The following MYT1L variants were observed in gnomAD, a reference collection of about 807,000 sequenced individuals.
MYT1L encodes the protein myelin transcription factor 1 like.
A neutral mutation model predicts 126.7 loss-of-function variants in MYT1L; 12 were observed. The ratio of observed to expected loss-of-function variants is 0.09; its 90% CI spans 0.06 to 0.15. The LOEUF (loss-of-function observed/expected upper bound fraction) is 0.15. Among genes scored for constraint, MYT1L ranks in the 10% least tolerant of loss-of-function variants. The pLI, the probability that MYT1L is intolerant of heterozygous loss-of-function variation, is 1.00. For missense variants in MYT1L, 979 were observed against 1,585.2 expected (o/e 0.62, Z 6.49); for synonymous variants, 541 against 604.2 (o/e 0.90, Z 1.53).
At chr2:1,989,418 A>G (rs2061307441) in intron 5 of MYT1L, among the ~76,000 whole-genome samples, 1 of 152,154 alleles carries the variant, frequency 6.6e-6, no homozygotes, top group African/African-American at 2.4e-5. Flanking sequence ...CCAGGACAGA[A>G]GCGAGAGTGC....
intron 2 of MYT1L, among the ~76,000 whole-genome samples, chr2:2,176,550 G>A (rs1037594484): frequency 4.0e-5 from 6 of 150,510 alleles, no homozygotes; most frequent in African/African-American, 1.5e-4. Flanking sequence ...CCAGGCTGGA[G>A]TGCAGTGGCA....
chr2:2,084,113 T>C (rs1317003313), intron 3 of MYT1L, among the ~76,000 whole-genome samples: 1 of 150,846 alleles, frequency 6.6e-6, no homozygotes, highest in Non-Finnish European at 1.5e-5. Context: ...TGCTGATGAC[T>C]TCCTATACTC....
intron 3 of MYT1L, among the ~76,000 whole-genome samples, chr2:2,069,934 AT>A (rs1437314792): frequency 6.7e-6 from 1 of 149,140 alleles, no homozygotes; most frequent in African/African-American, 2.5e-5. Flanking sequence ...TTCTTGTAAA[AT>A]TTTTTTAAGG....
chr2:2,045,208 G>A (rs2068031777), intron 4 of MYT1L, among the ~76,000 whole-genome samples: 2 of 152,244 alleles, frequency 1.3e-5, no homozygotes, highest in African/African-American at 2.4e-5. Flanking sequence ...GCACTAATGA[G>A]AGTTATGCAT....
chr2:2,214,437 G>A (rs12478611), intron 2 of MYT1L, among the ~76,000 whole-genome samples: 18,354 of 151,748 alleles, frequency 0.12, 1,178 homozygotes, highest in Non-Finnish European at 0.15. Context: ...CAAATTTCTC[G>A]AAACCAGCGA....
At chr2:2,262,647 C>T (rs572442699) in intron 2 of MYT1L, among the ~76,000 whole-genome samples, 13 of 137,978 alleles carry the variant, frequency 9.4e-5, no homozygotes, top group Middle Eastern at 5.2e-3. Context: ...GAGCCAAGAT[C>T]GTGCCACTGC....
intron 3 of MYT1L, among the ~76,000 whole-genome samples, chr2:2,123,080 A>G (rs774268749): frequency 4.6e-5 from 7 of 152,134 alleles, no homozygotes; most frequent in Non-Finnish European, 1.0e-4. Flanking sequence ...TTCCTCCCCA[A>G]CATTCTGGCA....
intron 10 of MYT1L, among the ~76,000 whole-genome samples, chr2:1,921,852 A>T (rs540490175): frequency 6.6e-6 from 1 of 152,194 alleles, no homozygotes; most frequent in Non-Finnish European, 1.5e-5. Context: ...TTTACAAATC[A>T]TGATGCCATT....
chr2:2,135,807 GCTGT>G (rs1270148127), intron 3 of MYT1L, among the ~76,000 whole-genome samples: 2 of 152,148 alleles, frequency 1.3e-5, no homozygotes, highest in East Asian at 3.9e-4. Context: ...AGAGGAATGC[GCTGT>G]CTTTCAGTCT....
intron 18 of MYT1L, among the ~76,000 whole-genome samples, chr2:1,884,717 T>A (rs186117770): frequency 6.6e-6 from 1 of 152,234 alleles, no homozygotes; most frequent in Non-Finnish European, 1.5e-5. Context: ...TAGACACATG[T>A]GTGGCTTTTC....
chr2:1,989,325 C>G (rs2061299803), intron 5 of MYT1L, among the ~76,000 whole-genome samples: 1 of 152,068 alleles, frequency 6.6e-6, no homozygotes, highest in South Asian at 2.1e-4. Flanking sequence ...AGTCCTGAAG[C>G]CTGGGGAACT....
chr2:1,863,748 G>T (rs1474053460), intron 18 of MYT1L, among the ~76,000 whole-genome samples: 1 of 148,930 alleles, frequency 6.7e-6, no homozygotes, highest in African/African-American at 2.5e-5. Flanking sequence ...AAAAGGGGGG[G>T]GCATTTGGGG....
chr2:2,237,517 C>T (rs945099646), intron 2 of MYT1L, among the ~76,000 whole-genome samples: 2 of 152,144 alleles, frequency 1.3e-5, no homozygotes, highest in Admixed American at 1.3e-4. Context: ...TAACAAAAAG[C>T]AGTTTTTGTA....
At chr2:2,067,694 A>G (rs776108476) in intron 3 of MYT1L, among the ~76,000 whole-genome samples, 9 of 152,234 alleles carry the variant, frequency 5.9e-5, no homozygotes, top group Non-Finnish European at 1.3e-4. Flanking sequence ...GAAAAGATGA[A>G]TTAATTTGAA....
intron 21 of MYT1L, among the ~76,000 whole-genome samples, chr2:1,815,387 G>A (rs942680616): frequency 3.3e-5 from 5 of 152,220 alleles, no homozygotes; most frequent in African/African-American, 1.2e-4. Flanking sequence ...ATGAGGGGGT[G>A]CATTTGCTTC....
At chr2:1,978,742 G>A (rs1448986654) in intron 8 of MYT1L, among the ~76,000 whole-genome samples, 1 of 152,112 alleles carries the variant, frequency 6.6e-6, no homozygotes, top group East Asian at 1.9e-4. Context: ...GTTAAATGCT[G>A]GAAATGGAGT....
Position 1,790,030 on chromosome 2 carries a change from C to T in MYT1L, c.*1837G>A, listed in dbSNP as rs2031770491. On this transcript the variant is annotated 3_prime_UTR_variant, in exon 25 of 25. Coordinates refer to ENST00000647738, the MANE Select transcript of MYT1L (RefSeq NM_001303052.2). ...ATATTCGTCGTGAGATCCCTGTAGT[C>T]TCCCTTTGCAACATTATTGATCAGC... The T allele has an allele frequency of 6.6e-6, 1 of 152,106 alleles. No homozygotes were observed. Among genetic ancestry groups the T allele is most frequent in the African/African-American group, 2.4e-5 (1 of 41,416 alleles). The allele number at this position is 152,106 out of a possible 1,614,324, so 9.4% of individuals were successfully genotyped here.
At chr2:1,952,945 CTCCT>C (rs1172366005) in intron 8 of MYT1L, among the ~76,000 whole-genome samples, 4 of 108,966 alleles carry the variant, frequency 3.7e-5, no homozygotes, top group South Asian at 7.5e-4. Flanking sequence ...CTTCCCTTCC[CTCCT>C]TCCTCCCTCC....
chr2:2,190,328 G>A (rs2092510123), intron 2 of MYT1L, among the ~76,000 whole-genome samples: 1 of 151,872 alleles, frequency 6.6e-6, no homozygotes, highest in South Asian at 2.1e-4. Context: ...AGTGGCACAC[G>A]CCTGTAGTCC....
Sources: gnomAD v4.1 joint callset for allele counts (sites outside exome capture counted in the v4.1 genomes callset) on GRCh38, gnomAD v4.1.1 for gene constraint, MANE v1.5 for transcripts, NCBI Gene and HGNC (gene_info 2026-07-23, HGNC 2026-07-21) for gene names.